NLRP8: variants seen among roughly 807,000 people sequenced by gnomAD.
The protein encoded by NLRP8 is NACHT, LRR and PYD domains-containing protein 8.
A neutral mutation model predicts 88.7 loss-of-function variants in NLRP8; 86 were observed. The ratio of observed to expected loss-of-function variants is 0.97; its 90% CI spans 0.81 to 1.16. The LOEUF is 1.16. NLRP8 is among the 50% of genes most tolerant of loss of function. The probability of loss-of-function intolerance (pLI) is 0.00; values close to 1 mark genes in which losing one functional copy is unlikely to be tolerated. For synonymous variants in NLRP8, 504 were observed against 494.6 expected (o/e 1.02, Z -0.25); for missense variants, 1,342 against 1,286.5 (o/e 1.04, Z -0.66).
At chr19:55,962,310 C>T in intron 4 of NLRP8, 73 bp downstream of exon 4, 1 of 1,458,848 alleles carries the variant, frequency 6.9e-7, no homozygotes, top group Non-Finnish European at 9.3e-7. Context: ...TTCTTCATTC[C>T]CTCTCCACTC....
At chr19:55,976,564 A>G (rs1401162497) in intron 8 of NLRP8, among the ~76,000 whole-genome samples, 1 of 152,110 alleles carries the variant, frequency 6.6e-6, no homozygotes, top group Non-Finnish European at 1.5e-5. Context: ...GGATGCAGCA[A>G]TCTGTGTTAA....
intron 6 of NLRP8, among the ~76,000 whole-genome samples, chr19:55,973,251 A>G: frequency 6.6e-6 from 1 of 152,128 alleles, no homozygotes; most frequent in Non-Finnish European, 1.5e-5. Flanking sequence ...TGTATCTTTT[A>G]GGAATTGTCT....
At chr19:55,959,347 G>C (rs1032796632) in intron 3 of NLRP8, among the ~76,000 whole-genome samples, 2 of 151,556 alleles carry the variant, frequency 1.3e-5, no homozygotes, top group African/African-American at 4.8e-5. Flanking sequence ...CAGTAGCTGG[G>C]ACTACAGGCG....
Position 55,988,442 on chromosome 19 carries a change from G to GTATATATATATATATATATATATA in NLRP8, c.*530_*531insATATATATATATATATATATATAT, listed in dbSNP as rs1165775867. On this transcript the variant is annotated 3_prime_UTR_variant, in exon 10 of 10. Transcript: ENST00000291971. ...TACACATAAATATATATATGTGTGT[G>GTATATATATATATATATATATATA]TGTATATATATATATATATATATAT... 8.7e-5 allele frequency: 9 copies of GTATATATATATATATATATATATA among 103,746 alleles called. No homozygotes were observed. Among genetic ancestry groups the GTATATATATATATATATATATATA allele is most frequent in the East Asian group, 2.6e-4 (1 of 3,818 alleles). 6.4% of individuals were successfully genotyped at this position (103,746 alleles called of 1,614,324 possible).
In NLRP8 at chr19:55,966,331, C is replaced by T. The variant is rs199475842; in HGVS notation, c.2332C>T (p.Leu778Phe). The T allele has an allele frequency of 6.2e-7, 1 of 1,614,006 alleles. No individual in the cohort carries two copies. Among genetic ancestry groups the T allele is most frequent in the East Asian group, 2.2e-5 (1 of 44,882 alleles). ...GGAAGTGGAGTCCAAAGCTGTGAAG[C>T]TTCTATGCAGGGTGCTGAGATCCCC... is the stretch of plus-strand genomic sequence containing the variant. Residue 778 changes from leucine to phenylalanine, a missense_variant, in exon 5 of 10, where the codon CTT becomes TTT. Transcript: ENST00000291971.
intron 5 of NLRP8, among the ~76,000 whole-genome samples, chr19:55,966,715 C>T (rs1979860591): frequency 6.6e-6 from 1 of 152,104 alleles, no homozygotes; most frequent in African/African-American, 2.4e-5. Flanking sequence ...ACTCGGGAGG[C>T]TGAGGCAGGA....
chr19:55,955,177 A>G lies in NLRP8; in HGVS notation c.1119A>G (p.Thr373=). 1.9e-6 allele frequency: 3 copies of G among 1,614,094 alleles called. No individual in the cohort carries two copies. The highest frequency in any genetic ancestry group is 1.3e-5 in the African/African-American group (1 of 75,044). ...ATTTCCAGATGTATTTTGGACACAC[A>G]GAGGAGGGAGACCAAGTCTTGAGTT... Residue 373 remains threonine (T), a synonymous_variant, in exon 3 of 10, where the codon ACA becomes ACG. Transcript: ENST00000291971.
intron 4 of NLRP8, among the ~76,000 whole-genome samples, chr19:55,963,413 T>TAA (rs1979700852): frequency 6.6e-6 from 1 of 152,216 alleles, no homozygotes; most frequent in Non-Finnish European, 1.5e-5. Context: ...CAGACAGCCT[T>TAA]AAGCTCGTCT....
chr19:55,968,174 C>T (rs1979924652), intron 5 of NLRP8, among the ~76,000 whole-genome samples: 1 of 152,182 alleles, frequency 6.6e-6, no homozygotes, highest in Non-Finnish European at 1.5e-5. Context: ...CACCGTGGCT[C>T]ATGCCTGTAA....
intron 5 of NLRP8, among the ~76,000 whole-genome samples, chr19:55,966,654 G>A (rs976404001): frequency 2.6e-5 from 4 of 151,986 alleles, no homozygotes; most frequent in Admixed American, 2.0e-4. Context: ...ATTAGCCAGC[G>A]TGGTGGCAGG....
chr19:55,954,830 G>A lies in NLRP8; in HGVS notation c.772G>A (p.Glu258Lys), dbSNP rs144012185. The change falls in exon 3 of 10, where the codon GAG (glutamate) becomes AAG (lysine). Residue 258 changes from glutamate to lysine, a missense_variant. Physicochemically the swap from Glu to Lys is moderately conservative, Grantham distance 56 (BLOSUM62 1). Coordinates refer to ENST00000291971, the MANE Select transcript of NLRP8 (RefSeq NM_176811.2). ...CCAGACGACAGACCAGAGCTTCTCC[G>A]AGCTGATTGAGCAAAAGTGGCCTGG... 3.3e-4 allele frequency: 537 copies of A among 1,614,206 alleles called. No homozygotes were observed. Among genetic ancestry groups the A allele is most frequent in the Middle Eastern group, 4.9e-4 (3 of 6,062 alleles).
chr19:55,976,081 T>A, intron 7 of NLRP8, 52 bp from the exon 8 acceptor site: 1 of 1,412,280 alleles, frequency 7.1e-7, no homozygotes, highest in Non-Finnish European at 9.5e-7. Context: ...TTGTTGTTGT[T>A]GTTTTGTTGT....
At position 55,962,174 on chromosome 19, in the gene NLRP8, C is replaced by T. The variant is rs755577920; in HGVS notation, c.2150C>T (p.Pro717Leu). The change falls in exon 4 of 10, where the codon CCT becomes CTT. Residue 717 changes from proline to leucine, a missense_variant. By Grantham distance (98) the Pro-to-Leu change is moderately conservative. Coordinates refer to ENST00000291971, the MANE Select transcript of NLRP8 (RefSeq NM_176811.2). ...ACTATGACCAACAGTGTTTTGGGGC[C>T]TCCTTTTTTGAAGGCTCTCGCGGCC... The T allele has an allele frequency of 6.2e-7, 1 of 1,614,170 alleles. No individual in the cohort carries two copies. Among genetic ancestry groups the T allele is most frequent in the Admixed American group, 1.7e-5 (1 of 60,016 alleles).
chr19:55,980,469 G>A (rs1980524547), intron 9 of NLRP8, among the ~76,000 whole-genome samples: 1 of 152,206 alleles, frequency 6.6e-6, no homozygotes, highest in Non-Finnish European at 1.5e-5. Context: ...ATACGACAGC[G>A]ATGTAACTGG....
intron 5 of NLRP8, among the ~76,000 whole-genome samples, chr19:55,969,805 A>G (rs1979994921): frequency 6.6e-6 from 1 of 152,178 alleles, no homozygotes; most frequent in South Asian, 2.1e-4. Flanking sequence ...TCCGCATTTC[A>G]TTACCTTTCT....
At chr19:55,972,414 C>CTT (rs35559046) in intron 6 of NLRP8, among the ~76,000 whole-genome samples, 4 of 147,958 alleles carry the variant, frequency 2.7e-5, no homozygotes, top group Admixed American at 6.7e-5. Context: ...TGCACCTAGT[C>CTT]TTTTTTTTTT....
chr19:55,964,207 T>C (rs1458348590), intron 4 of NLRP8, among the ~76,000 whole-genome samples: 1 of 152,236 alleles, frequency 6.6e-6, no homozygotes, highest in Non-Finnish European at 1.5e-5. Flanking sequence ...ATTGTGATAG[T>C]TATTATTCGC....
intron 9 of NLRP8, among the ~76,000 whole-genome samples, chr19:55,986,945 G>C (rs1365336291): frequency 1.3e-5 from 2 of 152,308 alleles, no homozygotes; most frequent in African/African-American, 4.8e-5. Context: ...CAAAGCCCAG[G>C]ACCAAAGGAT....
chr19:55,960,280 A>G (rs994450337), intron 3 of NLRP8, among the ~76,000 whole-genome samples: 4 of 152,216 alleles, frequency 2.6e-5, no homozygotes, highest in Non-Finnish European at 4.4e-5. Context: ...GGCCTGCCAC[A>G]GGTAGAATGA....
Sources: gnomAD v4.1 joint callset for allele counts (sites outside exome capture counted in the v4.1 genomes callset) on GRCh38, gnomAD v4.1.1 for gene constraint, MANE v1.5 for transcripts, NCBI Gene and HGNC (gene_info 2026-07-23, HGNC 2026-07-21) for gene names.